Variants in ADAM12 observed in about 807,000 individuals in gnomAD.
The protein encoded by ADAM12 is disintegrin and metalloproteinase domain-containing protein 12.
A neutral mutation model predicts 106.4 loss-of-function variants in ADAM12; 70 were observed. The ratio of observed to expected loss-of-function variants is 0.66; its 90% CI spans 0.54 to 0.80. The LOEUF (loss-of-function observed/expected upper bound fraction) is 0.80. Among genes scored for constraint, ADAM12 ranks in the 30% least tolerant of loss-of-function variants. The pLI is 0.00. For missense variants in ADAM12, 1,010 were observed against 1,171.9 expected, an observed-to-expected ratio of 0.86 and a Z score of 2.02; for synonymous variants, 420 against 433.5, an observed-to-expected ratio of 0.97 and a Z score of 0.39.
At chr10:126,279,316 T>C in intron 2 of ADAM12, among the ~76,000 whole-genome samples, 1 of 151,968 alleles carries the variant, frequency 6.6e-6, no homozygotes, top group African/African-American at 2.4e-5. Flanking sequence ...CCTGTGGTCC[T>C]AGCTACTTGG....
At chr10:126,203,998 G>A (rs1435494425) in intron 3 of ADAM12, among the ~76,000 whole-genome samples, 1 of 152,150 alleles carries the variant, frequency 6.6e-6, no homozygotes, top group Non-Finnish European at 1.5e-5. Context: ...GTCCCCAGAA[G>A]TTCACCCAGG....
At chr10:126,113,471 T>C (rs1403852061) in intron 6 of ADAM12, among the ~76,000 whole-genome samples, 5 of 150,318 alleles carry the variant, frequency 3.3e-5, no homozygotes, top group Admixed American at 6.6e-5. Context: ...ACCAGCCTGA[T>C]CAACATGGTA....
chr10:126,237,991 G>A (rs1958451382), intron 3 of ADAM12, among the ~76,000 whole-genome samples: 1 of 152,208 alleles, frequency 6.6e-6, no homozygotes, highest in Non-Finnish European at 1.5e-5. Flanking sequence ...GGGTGAAAGT[G>A]TTGGCCCTGC....
chr10:126,047,193 A>G (rs1954350056), intron 16 of ADAM12, among the ~76,000 whole-genome samples: 1 of 152,222 alleles, frequency 6.6e-6, no homozygotes, highest in African/African-American at 2.4e-5. Context: ...GTCAAAGGAA[A>G]AAGAGTCTAA....
At chr10:126,307,314 A>G (rs1345885284) in intron 2 of ADAM12, among the ~76,000 whole-genome samples, 1 of 152,084 alleles carries the variant, frequency 6.6e-6, no homozygotes, top group Admixed American at 6.5e-5. Flanking sequence ...CAATATTTAT[A>G]TATTGGTGGC....
At chr10:126,302,715 T>C (rs1236649696) in intron 2 of ADAM12, among the ~76,000 whole-genome samples, 2 of 152,232 alleles carry the variant, frequency 1.3e-5, no homozygotes, top group Non-Finnish European at 2.9e-5. Flanking sequence ...TGTTTCATTA[T>C]GCTAAATTAT....
At chr10:126,085,444 G>A (rs575644993) in intron 11 of ADAM12, among the ~76,000 whole-genome samples, 14 of 152,190 alleles carry the variant, frequency 9.2e-5, no homozygotes, top group African/African-American at 3.4e-4. Context: ...ATCTAATTGT[G>A]CTGTACTCAT....
chr10:126,289,835 A>G (rs1181435848), intron 2 of ADAM12, among the ~76,000 whole-genome samples: 2 of 152,216 alleles, frequency 1.3e-5, no homozygotes, highest in Non-Finnish European at 2.9e-5. Flanking sequence ...GCTGGACCTC[A>G]GTTTTCTTAC....
chr10:126,277,271 A>C (rs1361485953), intron 3 of ADAM12, among the ~76,000 whole-genome samples: 2 of 152,158 alleles, frequency 1.3e-5, no homozygotes, highest in South Asian at 4.2e-4. Flanking sequence ...TAGTAAAAAC[A>C]ACTTAAGGTT....
chr10:126,341,379 T>C (rs1466968151), intron 1 of ADAM12, among the ~76,000 whole-genome samples: 1 of 152,202 alleles, frequency 6.6e-6, no homozygotes, highest in Non-Finnish European at 1.5e-5. Flanking sequence ...AAAATTTCCA[T>C]GGCCTCATTG....
At chr10:126,038,633 AT>A (rs1954100429) in intron 19 of ADAM12, among the ~76,000 whole-genome samples, 1 of 152,220 alleles carries the variant, frequency 6.6e-6, no homozygotes, top group Non-Finnish European at 1.5e-5. Context: ...TTCAGCGATA[AT>A]GTCTTTGAAT....
rs781441913 is a variant in ADAM12, at chr10:126,066,856, TCA to T, written c.1324-52_1324-51del. 9.1e-6 allele frequency: 14 copies of T among 1,546,904 alleles called. No homozygotes were observed. In the East Asian group the frequency reaches 3.2e-4, roughly 35 times the overall value. ...TGACAGGGTCTTATGGAGTATGCAC[TCA>T]CTGAATGCAAACATCACACCTTAAA... On this transcript the variant is annotated intron_variant, in intron 12 of 22. Transcript: ENST00000448723. This position sits in a 1 kb window ranked among gnomAD's most constrained non-coding sequence, Gnocchi z 5.1.
intron 3 of ADAM12, among the ~76,000 whole-genome samples, chr10:126,254,750 A>G (rs945076660): frequency 6.6e-6 from 1 of 152,188 alleles, no homozygotes; most frequent in Non-Finnish European, 1.5e-5. Context: ...ACTGTGCAAC[A>G]GTCGCCATCG....
chr10:126,047,900 C>T (rs1954370164), intron 16 of ADAM12, among the ~76,000 whole-genome samples: 1 of 152,166 alleles, frequency 6.6e-6, no homozygotes, highest in South Asian at 2.1e-4. Flanking sequence ...ACTAAACGTC[C>T]ATCAATGATA....
chr10:126,121,113 A>ATATAG (rs1956086878), intron 5 of ADAM12, among the ~76,000 whole-genome samples: 3 of 84,472 alleles, frequency 3.6e-5, no homozygotes, highest in African/African-American at 1.6e-4. Flanking sequence ...TATATATAGT[A>ATATAG]TATATATAGT....
At chr10:126,076,180 T>TA (rs1955097766) in intron 11 of ADAM12, among the ~76,000 whole-genome samples, 1 of 152,226 alleles carries the variant, frequency 6.6e-6, no homozygotes, top group East Asian at 1.9e-4. Context: ...ACACGTGGTA[T>TA]TTGACTTGCT....
At chr10:126,076,812 T>C in intron 11 of ADAM12, among the ~76,000 whole-genome samples, 1 of 152,238 alleles carries the variant, frequency 6.6e-6, no homozygotes. Context: ...GGCTGTCTGT[T>C]GGTAATTTCT....
At chr10:126,356,718 C>G (rs1260177289) in intron 1 of ADAM12, among the ~76,000 whole-genome samples, 1 of 151,958 alleles carries the variant, frequency 6.6e-6, no homozygotes, top group Non-Finnish European at 1.5e-5. Flanking sequence ...CTATATGATA[C>G]TACAGATTAA....
At chr10:126,216,205 G>C (rs879882163) in intron 3 of ADAM12, among the ~76,000 whole-genome samples, 4 of 152,116 alleles carry the variant, frequency 2.6e-5, no homozygotes, top group Non-Finnish European at 5.9e-5. Flanking sequence ...TCCTGCTAAG[G>C]GTCCCAATCC....
Sources: gnomAD v4.1 joint callset for allele counts (sites outside exome capture counted in the v4.1 genomes callset) on GRCh38, gnomAD v4.1.1 for gene constraint, Gnocchi (gnomAD v3.1) non-coding constraint, MANE v1.5 for transcripts, NCBI Gene and HGNC (gene_info 2026-07-23, HGNC 2026-07-21) for gene names.